The following CAPS2 variants were observed in gnomAD, a reference collection of about 807,000 sequenced individuals.
CAPS2 encodes the protein calcyphosin-2.
In CAPS2, 98 loss-of-function variants were observed where a neutral mutation model predicts 86.5. The ratio of observed to expected loss-of-function variants is 1.13; its 90% CI spans 0.96 to 1.34. The LOEUF (loss-of-function observed/expected upper bound fraction) is 1.34, where lower values mean the gene tolerates loss of function less well. CAPS2 is among the 40% of genes most tolerant of loss of function. CAPS2 has a pLI of 0.00. For synonymous variants in CAPS2, 210 were observed against 225.1 expected, an observed-to-expected ratio of 0.93 and a Z score of 0.60; for missense variants, 729 against 686.8, an observed-to-expected ratio of 1.06 and a Z score of -0.69.
At chr12:75,289,156 G>A (rs1254743427) in intron 14 of CAPS2, among the ~76,000 whole-genome samples, 1 of 152,074 alleles carries the variant, frequency 6.6e-6, no homozygotes, top group African/African-American at 2.4e-5. Flanking sequence ...AATACACATT[G>A]TCTGATTCAC....
downstream of CAPS2, chr12:75,276,520 C>T: frequency 2.1e-6 from 2 of 966,996 alleles, 1 homozygote; most frequent in Middle Eastern, 1.1e-3. Flanking sequence ...TATTTATATA[C>T]TATAAAATTT....
At chr12:75,276,288 T>A (rs542782966), downstream of CAPS2, 81 of 1,529,626 alleles carry the variant, frequency 5.3e-5, no homozygotes, top group Non-Finnish European at 6.9e-5. Flanking sequence ...TGTTTTATAT[T>A]TGCAAGCACT....
intron 1 of CAPS2, among the ~76,000 whole-genome samples, chr12:75,361,994 A>G (rs1354292800): frequency 1.3e-5 from 2 of 152,160 alleles, no homozygotes; most frequent in East Asian, 1.9e-4. Flanking sequence ...TTAAACTACC[A>G]CATTAAAACA....
intron 1 of CAPS2, among the ~76,000 whole-genome samples, chr12:75,339,703 G>A (rs565938349): frequency 1.3e-5 from 2 of 152,180 alleles, no homozygotes; most frequent in Non-Finnish European, 1.5e-5. Flanking sequence ...TTTTCTTCTA[G>A]GGTTTTTATG....
chr12:75,328,212 T>C (rs928620902), upstream of CAPS2, among the ~76,000 whole-genome samples: 2 of 152,178 alleles, frequency 1.3e-5, no homozygotes, highest in Non-Finnish European at 2.9e-5. Flanking sequence ...ACACAAATTA[T>C]TGTATTCGCG....
At chr12:75,278,973 C>T (rs771793019) in exon 17 of CAPS2, 2 of 1,611,106 alleles carry the variant, frequency 1.2e-6, no homozygotes, top group East Asian at 4.5e-5. Context: ...TAGTAATCTT[C>T]AAATTCACCA....
intron 1 of CAPS2, among the ~76,000 whole-genome samples, chr12:75,370,738 T>C (rs559736394): frequency 6.6e-6 from 1 of 152,334 alleles, no homozygotes; most frequent in South Asian, 2.1e-4. Flanking sequence ...AGATTTATTT[T>C]TAAATATGCC....
In CAPS2 at chr12:75,299,934, A is replaced by C. The variant is rs765978857; in HGVS notation, c.780-23T>G. ...ATCCTGTTAAGAAATACATTTTGTC[A>C]GTAATTTTTCAAGATACCTATAACT... On this transcript the variant is annotated intron_variant, in intron 8 of 16. Transcript: ENST00000393284. 9.9e-6 allele frequency: 11 copies of C among 1,106,274 alleles called. No homozygotes were observed. The Admixed American group carries it at 2.7e-4, about 27-fold the overall frequency. 68.5% of individuals were successfully genotyped at this position (1,106,274 alleles called of 1,614,324 possible).
chr12:75,366,758 T>C, intron 1 of CAPS2: 1 of 638,344 alleles, frequency 1.6e-6, no homozygotes, highest in Non-Finnish European at 2.8e-6. Flanking sequence ...ATGAGTCATT[T>C]CCACGCTCTT....
upstream of CAPS2, among the ~76,000 whole-genome samples, chr12:75,331,834 A>G (rs1466447149): frequency 6.6e-6 from 1 of 152,106 alleles, no homozygotes; most frequent in Admixed American, 6.5e-5. Context: ...AAGTGCTGGG[A>G]TTACAGGCGT....
exon 17 of CAPS2, chr12:75,278,806 T>C: frequency 1.5e-6 from 2 of 1,349,580 alleles, no homozygotes; most frequent in Non-Finnish European, 1.9e-6. Flanking sequence ...TAGGAAAATA[T>C]ATTCCAGTGT....
At chr12:75,317,024 TC>T (rs917206068) in intron 5 of CAPS2, among the ~76,000 whole-genome samples, 1 of 152,112 alleles carries the variant, frequency 6.6e-6, no homozygotes, top group Non-Finnish European at 1.5e-5. Context: ...TAAGATTTCT[TC>T]CCCCCAGGGC....
intron 1 of CAPS2, 92 bp downstream of exon 2, chr12:75,326,326 G>T: frequency 2.0e-6 from 1 of 501,370 alleles, no homozygotes. Context: ...CTAAATATCT[G>T]TGAATATAAG....
intron 11 of CAPS2, 118 bp downstream of exon 11, chr12:75,298,569 T>C (rs2037284094): frequency 2.7e-6 from 2 of 727,576 alleles, no homozygotes; most frequent in African/African-American, 1.8e-5. Flanking sequence ...AATGACCCTG[T>C]TCAGGATGCA....
chr12:75,382,589 A>G (rs2045059482), intron 1 of CAPS2, among the ~76,000 whole-genome samples: 1 of 152,002 alleles, frequency 6.6e-6, no homozygotes, highest in Admixed American at 6.6e-5. Flanking sequence ...GCTGTAAGCC[A>G]AGATCATGCC....
chr12:75,369,834 T>A, intron 1 of CAPS2: 1 of 1,326,196 alleles, frequency 7.5e-7, no homozygotes, highest in Non-Finnish European at 9.6e-7. Context: ...AAAGTTTCAT[T>A]TTCTTGTTAA....
intron 1 of CAPS2, among the ~76,000 whole-genome samples, chr12:75,366,333 T>A (rs2043960072): frequency 6.6e-6 from 1 of 152,078 alleles, no homozygotes; most frequent in Admixed American, 6.6e-5. Context: ...AACAGTGGGT[T>A]TTGTCTCAGT....
chr12:75,320,567 T>C (rs1219110865), intron 5 of CAPS2, among the ~76,000 whole-genome samples: 1 of 152,110 alleles, frequency 6.6e-6, no homozygotes, highest in African/African-American at 2.4e-5. Flanking sequence ...GTGTGATTTA[T>C]TTAATTCTAG....
chr12:75,344,128 T>G (rs1431013892), intron 1 of CAPS2, among the ~76,000 whole-genome samples: 1 of 152,142 alleles, frequency 6.6e-6, no homozygotes, highest in Non-Finnish European at 1.5e-5. Context: ...TGCAGTTCAC[T>G]GGCCTTTTTG....
Sources: allele counts gnomAD v4.1 joint callset (sites outside exome capture counted in the v4.1 genomes callset), GRCh38; gene constraint gnomAD v4.1.1; transcripts MANE v1.5; gene names NCBI Gene and HGNC (gene_info 2026-07-23, HGNC 2026-07-21).